The following CDH12 variants were observed in gnomAD, a reference collection of about 807,000 sequenced individuals.
The protein encoded by CDH12 is cadherin-12.
A neutral mutation model predicts 74.1 loss-of-function variants in CDH12; 41 were observed. The observed-to-expected ratio is 0.55, with a 90% CI of 0.43 to 0.72. The LOEUF (loss-of-function observed/expected upper bound fraction) is 0.72, where lower values mean the gene tolerates loss of function less well. Among genes scored for constraint, CDH12 ranks in the 30% least tolerant of loss-of-function variants. CDH12 has a pLI of 0.00. For missense variants in CDH12, 945 were observed against 977.2 expected (o/e 0.97, Z 0.44); for synonymous variants, 399 against 355.0 (o/e 1.12, Z -1.39).
intron 5 of CDH12, among the ~76,000 whole-genome samples, chr5:22,020,362 T>G (rs1398808908): frequency 1.3e-5 from 2 of 152,016 alleles, no homozygotes; most frequent in East Asian, 3.9e-4. Flanking sequence ...AAGACCAGCC[T>G]GGCTAACATT....
rs1744129316 is a variant in CDH12 at position 22,725,644 on chromosome 5, C to T, written c.-523+127414G>A. 4.0e-5 allele frequency among the ~76,000 whole-genome samples: 6 copies of T among 151,478 alleles called. No individual in the cohort carries two copies. The South Asian group carries it at 1.2e-3, about 31-fold the overall frequency. ...TAATCTCACTTTTGAGGGCCCCATCCTCATGATCTAATCATATCCCAAGGG... is the reference window on the plus strand; with the variant it reads ...TAATCTCACTTTTGAGGGCCCCATCTTCATGATCTAATCATATCCCAAGGG... On this transcript the variant is annotated intron_variant, in intron 1 of 14. Transcript: ENST00000382254.
intron 3 of CDH12, among the ~76,000 whole-genome samples, chr5:22,369,174 C>T (rs1741162797): frequency 6.7e-6 from 1 of 150,366 alleles, no homozygotes; most frequent in Non-Finnish European, 1.5e-5. Flanking sequence ...AAAATAAAAA[C>T]ATCTTTTGAA....
rs573046488 is a variant in CDH12, at chr5:21,811,259, C to A, written c.1002+5686G>T. Among the ~76,000 whole-genome samples the A allele has an allele frequency of 2.0e-5, 3 of 152,042 alleles. No individual in the cohort carries two copies. In the South Asian group the frequency reaches 6.2e-4, roughly 32 times the overall value. ...CACCACTCTTCATTTTAAACAGTTTCTAAGAGAAAGTTTTGTAGAAATGGT... is the reference window on the plus strand; with the variant it reads ...CACCACTCTTCATTTTAAACAGTTTATAAGAGAAAGTTTTGTAGAAATGGT... On this transcript the variant is annotated intron_variant, in intron 9 of 14. Transcript: ENST00000382254.
At chr5:21,942,468 T>C (rs1193129006) in intron 6 of CDH12, among the ~76,000 whole-genome samples, 1 of 151,344 alleles carries the variant, frequency 6.6e-6, no homozygotes, top group Non-Finnish European at 1.5e-5. Flanking sequence ...GGTTCTTATA[T>C]TTTTAATTAT....
intron 3 of CDH12, among the ~76,000 whole-genome samples, chr5:22,244,606 G>T (rs565396368): frequency 3.5e-5 from 4 of 115,580 alleles, no homozygotes; most frequent in African/African-American, 1.3e-4. Flanking sequence ...GACAGAGAGA[G>T]AAAGGAAGGA....
At chr5:22,071,113 A>C (rs1043752847) in intron 5 of CDH12, among the ~76,000 whole-genome samples, 1 of 152,180 alleles carries the variant, frequency 6.6e-6, no homozygotes, top group African/African-American at 2.4e-5. Flanking sequence ...GGTCCTGCAC[A>C]TGTATCCTGG....
In CDH12 at chr5:22,568,839, C is replaced by CACAT. The variant is rs375062894; in HGVS notation, c.-522-63479_-522-63476dup. 6.6e-3 allele frequency among the ~76,000 whole-genome samples: 1,006 copies of CACAT among 152,246 alleles called. 10 individuals are homozygous for CACAT. Among genetic ancestry groups the CACAT allele is most frequent in the African/African-American group, 0.022 (925 of 41,544 alleles). On this transcript the variant is annotated intron_variant, in intron 1 of 14. Coordinates refer to ENST00000382254, the MANE Select transcript of CDH12 (RefSeq NM_004061.5). ...CGATAGTATGATGACTAAAAAAATG[C>CACAT]ACATACCTTAATTAAAAATGATTTA...
intron 1 of CDH12, among the ~76,000 whole-genome samples, chr5:22,700,337 T>C (rs1742650891): frequency 6.6e-6 from 1 of 152,186 alleles, no homozygotes; most frequent in African/African-American, 2.4e-5. Context: ...CCACTGAACA[T>C]CTTCTGTCAC....
chr5:22,258,334 T>TCAG (rs1318471903), intron 3 of CDH12, among the ~76,000 whole-genome samples: 1 of 152,070 alleles, frequency 6.6e-6, no homozygotes, highest in East Asian at 1.9e-4. Flanking sequence ...GAGACAGTCT[T>TCAG]CAGCAGTTTC....
chr5:22,568,387 ATAT>A (rs1489524284), intron 1 of CDH12, among the ~76,000 whole-genome samples: 2 of 152,206 alleles, frequency 1.3e-5, no homozygotes, highest in Non-Finnish European at 2.9e-5. Context: ...ATAGAATGAG[ATAT>A]TAATTATATG....
At chr5:22,107,411 G>A (rs144850712) in intron 4 of CDH12, among the ~76,000 whole-genome samples, 226 of 149,792 alleles carry the variant, frequency 1.5e-3, no homozygotes, top group East Asian at 6.7e-3. Context: ...GATTACAGGC[G>A]TGAGCCACCG....
At chr5:22,621,444 A>G (rs947705752) in intron 1 of CDH12, among the ~76,000 whole-genome samples, 18 of 152,270 alleles carry the variant, frequency 1.2e-4, no homozygotes, top group African/African-American at 3.1e-4. Context: ...AAAAGCCTCA[A>G]AGTTAGTGAA....
At chr5:22,746,608 C>T (rs1427746876) in intron 1 of CDH12, among the ~76,000 whole-genome samples, 1 of 152,012 alleles carries the variant, frequency 6.6e-6, no homozygotes, top group Middle Eastern at 3.2e-3. Flanking sequence ...AGGATAAATG[C>T]AATATATTTA....
At chr5:22,286,190 C>T (rs189141948) in intron 3 of CDH12, among the ~76,000 whole-genome samples, 33 of 152,104 alleles carry the variant, frequency 2.2e-4, no homozygotes, top group Admixed American at 2.0e-3. Context: ...AGTATTCTGG[C>T]AGAAACAATG....
At chr5:22,671,951 T>TAA (rs1434313000) in intron 1 of CDH12, among the ~76,000 whole-genome samples, 1 of 148,772 alleles carries the variant, frequency 6.7e-6, no homozygotes, top group Non-Finnish European at 1.5e-5. Flanking sequence ...CAGTCACCTT[T>TAA]AAAGGCTCCA....
At chr5:22,830,348 T>C (rs1581042652) in intron 1 of CDH12, among the ~76,000 whole-genome samples, 1 of 152,160 alleles carries the variant, frequency 6.6e-6, no homozygotes, top group South Asian at 2.1e-4. Flanking sequence ...TTTATGTATG[T>C]ATACATGTAT....
At chr5:22,766,318 T>C (rs1746512034) in intron 1 of CDH12, among the ~76,000 whole-genome samples, 1 of 152,088 alleles carries the variant, frequency 6.6e-6, no homozygotes, top group African/African-American at 2.4e-5. Flanking sequence ...ACTTTTCTCA[T>C]AGCTTCATTT....
intron 1 of CDH12, among the ~76,000 whole-genome samples, chr5:22,546,111 A>AT (rs999056329): frequency 1.3e-5 from 2 of 151,704 alleles, no homozygotes; most frequent in African/African-American, 4.8e-5. Flanking sequence ...CGCCTGGCTT[A>AT]TTTTTTGCGT....
intron 1 of CDH12, among the ~76,000 whole-genome samples, chr5:22,705,046 G>A (rs1047889114): frequency 6.0e-5 from 9 of 149,028 alleles, no homozygotes; most frequent in Non-Finnish European, 7.4e-5. Flanking sequence ...ATACACACAC[G>A]CATATATAAT....
Sources: allele counts gnomAD v4.1 joint callset (sites outside exome capture counted in the v4.1 genomes callset), GRCh38; gene constraint gnomAD v4.1.1; transcripts MANE v1.5; gene names NCBI Gene and HGNC (gene_info 2026-07-23, HGNC 2026-07-21).